ZDBF2: variants seen among roughly 807,000 people sequenced by gnomAD.
ZDBF2 encodes the protein DBF4-type zinc finger-containing protein 2.
A neutral mutation model predicts 9.4 loss-of-function variants in ZDBF2; 6 were observed. The ratio of observed to expected loss-of-function variants is 0.64; its 90% CI spans 0.35 to 1.27. The LOEUF is 1.27. ZDBF2 is among the 50% of genes most tolerant of loss of function. ZDBF2 has a pLI of 0.03. For missense variants in ZDBF2, 2,697 were observed against 2,766.8 expected, an observed-to-expected ratio of 0.97 and a Z score of 0.57; for synonymous variants, 905 against 946.3, an observed-to-expected ratio of 0.96 and a Z score of 0.80.
chr2:206,277,758 A>G (rs941640377), intron 1 of ZDBF2, among the ~76,000 whole-genome samples: 1 of 149,946 alleles, frequency 6.7e-6, no homozygotes, highest in African/African-American at 2.4e-5. Context: ...AACAGTCCCC[A>G]TACTAAAAAT....
At chr2:206,299,136 C>T (rs552578193) in intron 4 of ZDBF2, among the ~76,000 whole-genome samples, 16 of 152,088 alleles carry the variant, frequency 1.1e-4, no homozygotes, top group Non-Finnish European at 1.5e-4. Flanking sequence ...CTGCCTCGCC[C>T]TCCCAAAGTG....
In ZDBF2 at chr2:206,306,845, G is replaced by A; in HGVS notation, c.2317G>A (p.Glu773Lys). 1 of 1,613,874 alleles carries A rather than the reference G, an allele frequency of 6.2e-7. No homozygotes were observed. The highest frequency in any genetic ancestry group is 1.1e-5 in the South Asian group (1 of 91,080). ...GTCTCATCTGGATGCTGAAGGAAAA[G>A]AACGGCACATTGACCTGGAAGATGA... ...EQSHLDAEGK[E>K]RHIDLEDESC... The change falls in exon 5 of 5, where the codon GAA becomes AAA. Residue 773 changes from glutamate to lysine, a missense_variant. This residue lies in a region of ZDBF2 where 910 missense variants were observed against 973.6 expected (regional missense o/e 0.93). Coordinates refer to ENST00000374423, the MANE Select transcript of ZDBF2 (RefSeq NM_020923.3).
chr2:206,301,918 T>G (rs1692522355), intron 4 of ZDBF2, among the ~76,000 whole-genome samples: 1 of 152,106 alleles, frequency 6.6e-6, no homozygotes, highest in Admixed American at 6.5e-5. Context: ...ATGTTTTTAT[T>G]TTGGCCATAT....
At chr2:206,297,196 C>T (rs1342681671) in intron 3 of ZDBF2, 50 bp from the exon 4 acceptor site, 1 of 759,618 alleles carries the variant, frequency 1.3e-6, no homozygotes, top group Non-Finnish European at 2.2e-6. Flanking sequence ...CGAACTCTCA[C>T]TACTGAATAC....
chr2:206,280,326 C>T (rs1691247614), intron 2 of ZDBF2, among the ~76,000 whole-genome samples: 1 of 152,054 alleles, frequency 6.6e-6, no homozygotes, highest in Non-Finnish European at 1.5e-5. Context: ...GGTTAAAGAC[C>T]AAAAATATTT....
rs1262532593 is a variant in ZDBF2 at position 206,307,923 on chromosome 2, A to C, written c.3395A>C (p.Lys1132Thr). The change falls in exon 5 of 5, where the codon AAA (lysine) becomes ACA (threonine). Residue 1132 changes from lysine (K) to threonine (T), a missense_variant. This residue lies in a region of ZDBF2 where 1,783 missense variants were observed against 1,776.5 expected (regional missense o/e 1.00). Transcript: ENST00000374423. ...GTCCAATCTGTGGCTGATCAACCCA[A>C]AGTAGCTATTAAACATGTGAACCTT... is the stretch of plus-strand genomic sequence containing the variant. The part of the protein sequence containing the change: ...VSVQSVADQP[K>T]VAIKHVNLGN... 6.2e-7 allele frequency: 1 copy of C among 1,613,586 alleles called. No homozygotes were observed. The highest frequency in any genetic ancestry group is 8.5e-7 in the Non-Finnish European group (1 of 1,179,778).
rs373852008 is a variant in ZDBF2, at chr2:206,310,089, G to A, written c.5561G>A (p.Arg1854His). 3.7e-6 allele frequency: 6 copies of A among 1,613,714 alleles called. No individual in the cohort carries two copies. The East Asian group carries it at 8.9e-5, about 24-fold the overall frequency. ...NALVKEFREG[R>H]FHCYFDDDCE... ...CTGGTGAAGGAGTTTAGGGAAGGTC[G>A]TTTCCACTGTTACTTTGATGATGAC... The change falls in exon 5 of 5, where the codon CGT (arginine) becomes CAT (histidine). Residue 1854 changes from arginine (R) to histidine (H), a missense_variant. Transcript: ENST00000374423.
At chr2:206,286,922 G>T (rs987199543) in intron 3 of ZDBF2, among the ~76,000 whole-genome samples, 2 of 152,164 alleles carry the variant, frequency 1.3e-5, no homozygotes, top group Non-Finnish European at 2.9e-5. Flanking sequence ...TATCGTTGCA[G>T]TTTGGTGGTT....
chr2:206,306,227 C>A lies in ZDBF2; in HGVS notation c.1699C>A (p.His567Asn). 1 of 1,613,498 alleles carries A rather than the reference C, an allele frequency of 6.2e-7. No individual in the cohort carries two copies. Among genetic ancestry groups the A allele is most frequent in the East Asian group, 2.2e-5 (1 of 44,876 alleles). The stretch of plus-strand genomic sequence containing the variant: ...AGAAACAAAACTTCGGAAGAAGGCT[C>A]ATACCAGCTTGGTTGATAACTATGG... ...VTETKLRKKA[H>N]TSLVDNYGSS... The change falls in exon 5 of 5, where the codon CAT becomes AAT. Residue 567 changes from histidine to asparagine, a missense_variant. His to Asn is a moderately conservative substitution (Grantham distance 68). This residue lies in a region of ZDBF2 where 910 missense variants were observed against 973.6 expected (regional missense o/e 0.93). Coordinates refer to ENST00000374423, the MANE Select transcript of ZDBF2 (RefSeq NM_020923.3).
Position 206,310,741 on chromosome 2 carries a change from A to C in ZDBF2, c.6213A>C (p.Pro2071=), listed in dbSNP as rs1031153927. ...GTCCTCCCCTGAGTGTAATAGTACC[A>C]GAGTTTGAGAGGCGTAACTGGGTTA... is the stretch of plus-strand genomic sequence containing the variant. The part of the protein sequence containing the change: ...VISPPLSVIV[P]EFERRNWVKI... The change falls in exon 5 of 5, where the codon CCA becomes CCC. Residue 2071 remains proline, a synonymous_variant. Transcript: ENST00000374423. The C allele has an allele frequency of 2.1e-5, 34 of 1,613,764 alleles. No individual in the cohort carries two copies. Among genetic ancestry groups the C allele is most frequent in the Non-Finnish European group, 2.8e-5 (33 of 1,179,896 alleles).
intron 1 of ZDBF2, among the ~76,000 whole-genome samples, chr2:206,276,331 C>T (rs1208235851): frequency 6.6e-6 from 1 of 152,038 alleles, no homozygotes; most frequent in Non-Finnish European, 1.5e-5. Flanking sequence ...TGCGTATGTG[C>T]CTGTGCGTGT....
At chr2:206,279,749 CTT>C (rs546988940) in intron 2 of ZDBF2, among the ~76,000 whole-genome samples, 157 bp downstream of exon 2, 515 of 152,222 alleles carry the variant, frequency 3.4e-3, no homozygotes, top group African/African-American at 0.012. Context: ...AAAATAATGA[CTT>C]ATGTTATTGA....
intron 3 of ZDBF2, among the ~76,000 whole-genome samples, chr2:206,289,869 C>G (rs1461954045): frequency 1.3e-5 from 2 of 152,088 alleles, no homozygotes; most frequent in Non-Finnish European, 2.9e-5. Context: ...CTTCCTGGTT[C>G]CCAGCTGATC....
intron 4 of ZDBF2, among the ~76,000 whole-genome samples, chr2:206,302,954 A>G (rs559151751): frequency 2.4e-4 from 36 of 152,254 alleles, no homozygotes; most frequent in Middle Eastern, 3.4e-3. Flanking sequence ...AATGGAAACA[A>G]TGAGGAAATA....
rs754757270 is a variant in ZDBF2, at chr2:206,304,792, AGAAGAG to A, written c.273_278del (p.Glu91_Glu92del). On this transcript the variant is annotated inframe_deletion, in exon 5 of 5. Transcript: ENST00000374423. ...TGCATTTGGATGATGCTTTTTCTGA[AGAAGAG>A]GAAGAGGATGAGGATAAGGTTGAGG... The A allele has an allele frequency of 6.2e-7, 1 of 1,613,634 alleles. No individual in the cohort carries two copies. Among genetic ancestry groups the A allele is most frequent in the Admixed American group, 1.7e-5 (1 of 59,942 alleles).
In ZDBF2 at chr2:206,306,771, C is replaced by G; in HGVS notation, c.2243C>G (p.Ser748Cys). Residue 748 changes from serine to cysteine, a missense_variant, in exon 5 of 5, where the codon TCT (serine) becomes TGT (cysteine). By Grantham distance (112) the Ser-to-Cys change is moderately radical (BLOSUM62 -1). This residue lies in a region of ZDBF2 where 910 missense variants were observed against 973.6 expected (regional missense o/e 0.93). Transcript: ENST00000374423. ...GTTAGGAGCTATGATTGCTCCAGCT[C>G]TGAGTTGACTTTTGATTCTGACCCG... ...MEVRSYDCSS[S>C]ELTFDSDPPL... 6.2e-7 allele frequency: 1 copy of G among 1,613,826 alleles called. No individual in the cohort carries two copies. The highest frequency in any genetic ancestry group is 8.5e-7 in the Non-Finnish European group (1 of 1,179,788).
At chr2:206,303,445 A>G (rs967276191) in intron 4 of ZDBF2, among the ~76,000 whole-genome samples, 3 of 152,130 alleles carry the variant, frequency 2.0e-5, no homozygotes, top group African/African-American at 7.2e-5. Flanking sequence ...GCCCGACTTT[A>G]AGAATTCAGG....
In ZDBF2 at chr2:206,274,851, G is replaced by A. The variant is rs1690889935; in HGVS notation, c.-198G>A. The A allele has an allele frequency of 1.3e-5, 2 of 152,058 alleles. No individual in the cohort carries two copies. The highest frequency in any genetic ancestry group is 2.1e-4 in the South Asian group (1 of 4,832). 9.4% of individuals were successfully genotyped at this position (152,058 alleles called of 1,614,324 possible). ...TGGCGCTCGGACGGTCTGGGATTCG[G>A]GCGCCGCCGCGGAACCGGAATAAGA... On this transcript the variant is annotated 5_prime_UTR_variant, in exon 1 of 5. Coordinates refer to ENST00000374423, the MANE Select transcript of ZDBF2 (RefSeq NM_020923.3).
intron 3 of ZDBF2, among the ~76,000 whole-genome samples, chr2:206,289,664 A>G (rs1359465121): frequency 6.6e-6 from 1 of 152,224 alleles, no homozygotes; most frequent in Non-Finnish European, 1.5e-5. Context: ...GTGTAGCCAC[A>G]TGGGTCACAG....
Sources: allele counts gnomAD v4.1 joint callset (sites outside exome capture counted in the v4.1 genomes callset), GRCh38; gene constraint gnomAD v4.1.1; regional missense constraint gnomAD v4.1.1; transcripts MANE v1.5; gene names NCBI Gene and HGNC (gene_info 2026-07-23, HGNC 2026-07-21).